PTPRE: variants seen among roughly 807,000 people sequenced by gnomAD.
PTPRE encodes protein tyrosine phosphatase receptor type E.
In PTPRE, 51 loss-of-function variants were observed where a neutral mutation model predicts 102.0. The ratio of observed to expected loss-of-function variants is 0.50; its 90% confidence interval spans 0.40 to 0.63. PTPRE has a LOEUF of 0.63. Among genes scored for constraint, PTPRE ranks in the 30% least tolerant of loss-of-function variants. The pLI is 0.00. For missense variants in PTPRE, 752 were observed against 915.1 expected (o/e 0.82, Z 2.30); for synonymous variants, 345 against 348.2 (o/e 0.99, Z 0.10).
At chr10:127,916,405 C>T (rs952172752) in intron 1 of PTPRE, among the ~76,000 whole-genome samples, 2 of 152,204 alleles carry the variant, frequency 1.3e-5, no homozygotes, top group Non-Finnish European at 2.9e-5. Flanking sequence ...AGGTGCCTTG[C>T]TTCCCCTTCC....
chr10:127,967,182 T>C (rs1412276287), intron 1 of PTPRE, among the ~76,000 whole-genome samples: 1 of 152,224 alleles, frequency 6.6e-6, no homozygotes, highest in Non-Finnish European at 1.5e-5. Flanking sequence ...ATTGAGTTTT[T>C]AGACAAATTA....
At chr10:128,074,249 G>A (rs965677733) in intron 17 of PTPRE, among the ~76,000 whole-genome samples, 1 of 152,240 alleles carries the variant, frequency 6.6e-6, no homozygotes, top group African/African-American at 2.4e-5. Context: ...GTTGTAGCAT[G>A]AATCAGTAAA....
intron 2 of PTPRE, among the ~76,000 whole-genome samples, chr10:128,030,588 T>C (rs1031668294): frequency 3.9e-5 from 6 of 152,130 alleles, no homozygotes; most frequent in African/African-American, 1.2e-4. Context: ...AAAACACCCG[T>C]GGAGCACCTC....
At chr10:128,041,899 C>G (rs1212963000) in intron 3 of PTPRE, among the ~76,000 whole-genome samples, 1 of 152,024 alleles carries the variant, frequency 6.6e-6, no homozygotes, top group Non-Finnish European at 1.5e-5. Context: ...GTCCTGCAAA[C>G]CCTGGACAAA....
At position 128,070,575 on chromosome 10, in the gene PTPRE, G is replaced by T. The variant is rs1850680407; in HGVS notation, c.1293+125G>T. 2 of 1,318,172 alleles carry T rather than the reference G, an allele frequency of 1.5e-6. No individual in the cohort carries two copies. The highest frequency in any genetic ancestry group is 2.0e-6 in the Non-Finnish European group (2 of 978,152). 81.7% of individuals were successfully genotyped at this position (1,318,172 alleles called of 1,614,324 possible). On this transcript the variant is annotated intron_variant, in intron 14 of 20. Transcript: ENST00000254667. The surrounding 1 kb of genome is among the most constrained non-coding windows in gnomAD (Gnocchi z 4.8). ...CCTTAACTGACCTCAGAAAAAGCAGGGGCAATACCTGAGCCATGATTTACA... is the reference window on the plus strand; with the variant it reads ...CCTTAACTGACCTCAGAAAAAGCAGTGGCAATACCTGAGCCATGATTTACA...
At chr10:128,045,761 T>G (rs1160039228) in intron 3 of PTPRE, among the ~76,000 whole-genome samples, 1 of 152,176 alleles carries the variant, frequency 6.6e-6, no homozygotes, top group African/African-American at 2.4e-5. Context: ...GTGGGCAGGT[T>G]GGAGGTCAAA....
At chr10:127,936,700 C>A (rs1407404342) in intron 1 of PTPRE, among the ~76,000 whole-genome samples, 4 of 152,102 alleles carry the variant, frequency 2.6e-5, no homozygotes, top group African/African-American at 9.7e-5. Flanking sequence ...TACAGAGAGT[C>A]CGTGGGGCTG....
chr10:127,941,832 G>A (rs2135294330), intron 1 of PTPRE, among the ~76,000 whole-genome samples: 1 of 150,664 alleles, frequency 6.6e-6, no homozygotes, highest in Non-Finnish European at 1.5e-5. Flanking sequence ...TCCTTGGTTT[G>A]TGGCCACAAA....
intron 1 of PTPRE, among the ~76,000 whole-genome samples, chr10:127,913,600 G>A (rs986119020): frequency 5.9e-5 from 9 of 152,170 alleles, no homozygotes; most frequent in African/African-American, 9.7e-5. Flanking sequence ...ATAGGTCTGC[G>A]GTGCAGACTG....
chr10:127,910,138 T>C (rs192677746), intron 1 of PTPRE, among the ~76,000 whole-genome samples: 147 of 152,362 alleles, frequency 9.6e-4, no homozygotes, highest in African/African-American at 3.4e-3. Context: ...AAGACTGGCC[T>C]TCTTAATATT....
At chr10:128,026,523 C>G (rs1353257937) in intron 2 of PTPRE, among the ~76,000 whole-genome samples, 1 of 152,218 alleles carries the variant, frequency 6.6e-6, no homozygotes, top group Non-Finnish European at 1.5e-5. Context: ...ACTGTGGACC[C>G]ATTCAGGTCC....
chr10:128,082,329 C>T lies in PTPRE; in HGVS notation c.2029-503C>T, dbSNP rs544579965. On this transcript the variant is annotated intron_variant, in intron 20 of 20. Coordinates refer to ENST00000254667, the MANE Select transcript of PTPRE (RefSeq NM_006504.6). Reference sequence around the variant, plus strand: ...TGGGCTCAAGGAATCCTCCTGTCTCCGCTTCCCAAGTAGCTGGGACTATGG... The same window carrying T: ...TGGGCTCAAGGAATCCTCCTGTCTCTGCTTCCCAAGTAGCTGGGACTATGG... 1.4e-4 allele frequency among the ~76,000 whole-genome samples: 21 copies of T among 150,188 alleles called. No individual in the cohort carries two copies. The South Asian group carries it at 2.9e-3, about 21-fold the overall frequency.
intron 1 of PTPRE, among the ~76,000 whole-genome samples, chr10:127,936,692 C>T (rs1469443240): frequency 6.6e-6 from 1 of 152,142 alleles, no homozygotes; most frequent in East Asian, 1.9e-4. Flanking sequence ...TCCCATTTTA[C>T]AGAGAGTCCG....
chr10:128,080,925 G>C (rs1343149956), intron 20 of PTPRE, among the ~76,000 whole-genome samples: 1 of 152,198 alleles, frequency 6.6e-6, no homozygotes, highest in Non-Finnish European at 1.5e-5. Context: ...GTGCCTTACA[G>C]ATGTCTTTCT....
intron 1 of PTPRE, among the ~76,000 whole-genome samples, chr10:127,938,574 A>C (rs889931909): frequency 2.6e-5 from 4 of 152,178 alleles, no homozygotes; most frequent in African/African-American, 9.7e-5. Context: ...GAATAAACAA[A>C]AATTGACTTT....
At chr10:127,975,138 T>C (rs1851050089) in intron 1 of PTPRE, among the ~76,000 whole-genome samples, 1 of 152,112 alleles carries the variant, frequency 6.6e-6, no homozygotes, top group African/African-American at 2.4e-5. Context: ...TGAGGCTTTG[T>C]GGGACAGGGA....
In PTPRE at chr10:128,047,788, G is replaced by GGTCAGCACC; in HGVS notation, c.235_243dup (p.Val79_Thr81dup). ...GGTTCAGGAAGCAGAGGAAAGCTGT[G>GGTCAGCACC]GTCAGCACCAGCGACAAGAAGATGC... On this transcript the variant is annotated inframe_insertion, in exon 5 of 21. Transcript: ENST00000254667. The GGTCAGCACC allele has an allele frequency of 6.2e-7, 1 of 1,607,642 alleles. No homozygotes were observed. The highest frequency in any genetic ancestry group is 8.5e-7 in the Non-Finnish European group (1 of 1,174,596).
intron 1 of PTPRE, among the ~76,000 whole-genome samples, chr10:127,946,901 G>A (rs929294813): frequency 2.3e-4 from 35 of 152,020 alleles, no homozygotes; most frequent in African/African-American, 7.2e-4. Flanking sequence ...GATGGCTTGT[G>A]ACTGTAGTCC....
At chr10:127,987,380 C>T in intron 2 of PTPRE, 1 of 1,278,304 alleles carries the variant, frequency 7.8e-7, no homozygotes, top group Non-Finnish European at 1.0e-6. Context: ...CCAGCGTCTT[C>T]CCAGGAAGAC....
Sources: allele counts gnomAD v4.1 joint callset (sites outside exome capture counted in the v4.1 genomes callset), GRCh38; gene constraint gnomAD v4.1.1; non-coding constraint Gnocchi (gnomAD v3.1); transcripts MANE v1.5; gene names NCBI Gene and HGNC (gene_info 2026-07-23, HGNC 2026-07-21).